Variants in MAN1A1 observed in about 807,000 individuals in gnomAD.
The protein encoded by MAN1A1 is mannosidase alpha class 1A member 1.
In MAN1A1, 29 loss-of-function variants were observed where a neutral mutation model predicts 70.8. The observed-to-expected ratio is 0.41, with a 90% CI of 0.31 to 0.56. MAN1A1 has a LOEUF of 0.56. Ranked by LOEUF, MAN1A1 falls within the 20% of genes least tolerant of loss-of-function variation. MAN1A1 has a pLI of 0.29. For synonymous variants in MAN1A1, 349 were observed against 330.1 expected (o/e 1.06, Z -0.62); for missense variants, 747 against 841.3 (o/e 0.89, Z 1.39).
intron 5 of MAN1A1, among the ~76,000 whole-genome samples, chr6:119,263,984 T>C (rs543185149): frequency 1.3e-5 from 2 of 152,332 alleles, no homozygotes; most frequent in East Asian, 3.9e-4. Context: ...CCCAGTAAAT[T>C]AGAACATGCT....
rs76956827 is a variant in MAN1A1 at position 119,193,939 on chromosome 6, C to T, written c.1211-47G>A. 6,636 of 1,192,862 alleles carry T rather than the reference C, an allele frequency of 5.6e-3. 191 individuals carry two copies. The East Asian group carries it at 0.089, about 16-fold the overall frequency. 73.9% of individuals were successfully genotyped at this position (1,192,862 alleles called of 1,614,324 possible). A position where few individuals can be genotyped will look rare whatever the true frequency, so the allele number is the denominator to read the frequency against. On this transcript the variant is annotated intron_variant, in intron 8 of 12. Transcript: ENST00000368468. Reference sequence around the variant, plus strand: ...TTTTAGAGTGATTCAGCTTTTAATTCAGATAATGCAGCAAAATCACATTAG... The same window carrying T: ...TTTTAGAGTGATTCAGCTTTTAATTTAGATAATGCAGCAAAATCACATTAG...
intron 2 of MAN1A1, among the ~76,000 whole-genome samples, chr6:119,314,605 T>A (rs755238047): frequency 3.3e-5 from 5 of 152,134 alleles, no homozygotes; most frequent in Non-Finnish European, 7.4e-5. Flanking sequence ...AACAGAGCCC[T>A]CACTTTTTTG....
chr6:119,285,271 T>G (rs1345127401), intron 5 of MAN1A1, among the ~76,000 whole-genome samples: 1 of 151,906 alleles, frequency 6.6e-6, no homozygotes, highest in Non-Finnish European at 1.5e-5. Flanking sequence ...AGCCACCATG[T>G]CCGGCCAGAT....
At chr6:119,180,033 T>C in intron 12 of MAN1A1, 88 bp from the exon 13 acceptor site, 1 of 1,336,072 alleles carries the variant, frequency 7.5e-7, no homozygotes, top group Non-Finnish European at 1.1e-6. Flanking sequence ...CATCAATGTC[T>C]GCATTCATCT....
intron 5 of MAN1A1, among the ~76,000 whole-genome samples, chr6:119,272,809 A>G (rs1775961296): frequency 6.6e-6 from 1 of 152,182 alleles, no homozygotes; most frequent in Non-Finnish European, 1.5e-5. Flanking sequence ...ACTGCTTTGG[A>G]TAATATAAAG....
At chr6:119,203,479 G>A (rs1773772450) in intron 7 of MAN1A1, among the ~76,000 whole-genome samples, 1 of 151,966 alleles carries the variant, frequency 6.6e-6, no homozygotes, top group Non-Finnish European at 1.5e-5. Context: ...GGTCACCCAG[G>A]CCCCACAGGC....
At chr6:119,223,731 T>A (rs1488469031) in intron 6 of MAN1A1, among the ~76,000 whole-genome samples, 1 of 152,120 alleles carries the variant, frequency 6.6e-6, no homozygotes, top group African/African-American at 2.4e-5. Flanking sequence ...CAGAGAATGC[T>A]TAATGACAGA....
intron 6 of MAN1A1, among the ~76,000 whole-genome samples, chr6:119,237,661 A>G (rs886322471): frequency 6.6e-6 from 1 of 152,124 alleles, no homozygotes; most frequent in Non-Finnish European, 1.5e-5. Context: ...AACCTGTATG[A>G]AGTCCTGAAA....
At chr6:119,310,133 TAA>T (rs1772659255) in intron 2 of MAN1A1, among the ~76,000 whole-genome samples, 1 of 152,230 alleles carries the variant, frequency 6.6e-6, no homozygotes, top group East Asian at 1.9e-4. Context: ...TCTAACAAAT[TAA>T]GTTTAATGTC....
intron 11 of MAN1A1, among the ~76,000 whole-genome samples, chr6:119,181,344 T>C (rs1380149157): frequency 1.3e-5 from 2 of 152,150 alleles, no homozygotes; most frequent in African/African-American, 4.8e-5. Context: ...TCTGAGTTTC[T>C]GAAAATTGAT....
rs1324788139 is a variant in MAN1A1, at chr6:119,348,844, G to C, written c.222C>G (p.Phe74Leu). ...CCGGCTGCAAGGCGGGGCTGGAGTG[G>C]AACAGGACCCCGCTGAGCAGCTTGG... ...DSSKLLSGVL[F>L]HSSPALQPAA... Residue 74 changes from phenylalanine to leucine, a missense_variant, in exon 2 of 13, where the codon TTC (phenylalanine) becomes TTG (leucine). Phe to Leu is a conservative substitution (Grantham distance 22, BLOSUM62 0). Coordinates refer to ENST00000368468, the MANE Select transcript of MAN1A1 (RefSeq NM_005907.4). The C allele has an allele frequency of 6.6e-7, 1 of 1,515,582 alleles. No homozygotes were observed. Among genetic ancestry groups the C allele is most frequent in the African/African-American group, 1.4e-5 (1 of 69,888 alleles). 93.9% of individuals were successfully genotyped at this position (1,515,582 alleles called of 1,614,324 possible).
chr6:119,281,562 G>C (rs570183672), intron 5 of MAN1A1, among the ~76,000 whole-genome samples: 1 of 152,288 alleles, frequency 6.6e-6, no homozygotes, highest in Non-Finnish European at 1.5e-5. Context: ...CTAGATGGCA[G>C]CTGCCCCAGC....
At chr6:119,203,966 G>T (rs1001731323) in intron 7 of MAN1A1, among the ~76,000 whole-genome samples, 5 of 152,094 alleles carry the variant, frequency 3.3e-5, no homozygotes, top group Non-Finnish European at 1.5e-5. Flanking sequence ...AGAGGCACAG[G>T]ATTGAGTGCT....
intron 6 of MAN1A1, among the ~76,000 whole-genome samples, chr6:119,230,365 C>A (rs1205716854): frequency 2.6e-5 from 4 of 152,284 alleles, no homozygotes; most frequent in Middle Eastern, 3.4e-3. Flanking sequence ...GATGCCAAGA[C>A]AAACCTGAGA....
chr6:119,292,515 T>C (rs575472390), intron 4 of MAN1A1, among the ~76,000 whole-genome samples: 7 of 152,170 alleles, frequency 4.6e-5, no homozygotes, highest in Middle Eastern at 3.4e-3. Flanking sequence ...GTCTACATTT[T>C]AGTGGGATAA....
At chr6:119,250,677 CGT>C (rs1248798914) in intron 5 of MAN1A1, among the ~76,000 whole-genome samples, 15 of 116,846 alleles carry the variant, frequency 1.3e-4, no homozygotes, top group Admixed American at 1.1e-3. Context: ...TGTGTGTGTG[CGT>C]GTCAGTTACT....
At chr6:119,296,868 T>C (rs1772229572) in intron 4 of MAN1A1, among the ~76,000 whole-genome samples, 1 of 152,178 alleles carries the variant, frequency 6.6e-6, no homozygotes, top group African/African-American at 2.4e-5. Context: ...CATCTATCCT[T>C]TGCCATTCTC....
intron 4 of MAN1A1, among the ~76,000 whole-genome samples, chr6:119,300,132 C>A (rs1398742948): frequency 3.3e-5 from 5 of 152,132 alleles, no homozygotes; most frequent in Non-Finnish European, 5.9e-5. Context: ...TATTCCCCTA[C>A]CCTTTCTTGA....
chr6:119,305,441 T>C (rs1276459740), intron 3 of MAN1A1, among the ~76,000 whole-genome samples: 2 of 151,444 alleles, frequency 1.3e-5, no homozygotes, highest in African/African-American at 4.9e-5. Context: ...GTTTCAGAGT[T>C]TCTCTCTTCA....
Sources: allele counts gnomAD v4.1 joint callset (sites outside exome capture counted in the v4.1 genomes callset), GRCh38; gene constraint gnomAD v4.1.1; transcripts MANE v1.5; gene names NCBI Gene and HGNC (gene_info 2026-07-23, HGNC 2026-07-21).